SEMA5A: variants seen among roughly 807,000 people sequenced by gnomAD.
SEMA5A encodes semaphorin 5A.
SEMA5A carries 55 observed loss-of-function variants against 135.5 expected under a neutral mutation model. The ratio of observed to expected loss-of-function variants is 0.41; its 90% CI spans 0.33 to 0.51. The LOEUF (loss-of-function observed/expected upper bound fraction) is 0.51. SEMA5A is among the 20% of genes least tolerant of loss of function. The pLI is 0.37. For missense variants in SEMA5A, 1,290 were observed against 1,419.9 expected (o/e 0.91, Z 1.47); for synonymous variants, 580 against 546.5 (o/e 1.06, Z -0.85).
At chr5:9,318,649 T>TACCGTAAGTAAGTGA (rs1282471833) in intron 4 of SEMA5A, among the ~76,000 whole-genome samples, 13 of 152,308 alleles carry the variant, frequency 8.5e-5, no homozygotes, top group African/African-American at 2.6e-4. Context: ...GTGGGGTGTG[T>TACCGTAAGTAAGTGA]CTGTACATAC....
intron 1 of SEMA5A, among the ~76,000 whole-genome samples, chr5:9,491,999 A>G (rs1014501975): frequency 1.3e-5 from 2 of 152,222 alleles, no homozygotes; most frequent in Non-Finnish European, 2.9e-5. Flanking sequence ...TAGAAGACAC[A>G]CAACAGCTTT....
At chr5:9,125,674 C>T (rs1460707996) in intron 13 of SEMA5A, among the ~76,000 whole-genome samples, 7 of 152,004 alleles carry the variant, frequency 4.6e-5, no homozygotes, top group East Asian at 1.9e-4. Context: ...TCCAAGGTCT[C>T]GGTGGCCTCC....
At chr5:9,300,320 G>A (rs1285711021) in intron 5 of SEMA5A, among the ~76,000 whole-genome samples, 7 of 95,174 alleles carry the variant, frequency 7.4e-5, no homozygotes, top group South Asian at 3.9e-4. Context: ...GAGCCACTGC[G>A]CCCGGCCATT....
chr5:9,300,883 TC>T (rs1252891891), intron 5 of SEMA5A, among the ~76,000 whole-genome samples: 4 of 152,182 alleles, frequency 2.6e-5, no homozygotes, highest in Non-Finnish European at 5.9e-5. Context: ...TGAAGCTTTC[TC>T]CCCTAGAGTC....
intron 8 of SEMA5A, among the ~76,000 whole-genome samples, chr5:9,206,017 C>T (rs191397571): frequency 1.3e-5 from 2 of 152,196 alleles, no homozygotes; most frequent in African/African-American, 4.8e-5. Context: ...TAGAGTCTTG[C>T]CAGGCAGGAT....
intron 1 of SEMA5A, among the ~76,000 whole-genome samples, chr5:9,504,025 G>A (rs1288243212): frequency 1.3e-5 from 2 of 151,734 alleles, no homozygotes; most frequent in Non-Finnish European, 2.9e-5. Context: ...GACTAGCCTG[G>A]CCAACATGGT....
At chr5:9,101,109 G>A (rs1341378981) in intron 16 of SEMA5A, among the ~76,000 whole-genome samples, 8 of 152,118 alleles carry the variant, frequency 5.3e-5, no homozygotes, top group Admixed American at 1.3e-4. Flanking sequence ...AACTGTTTTC[G>A]GTTTTTAGTT....
At chr5:9,050,830 A>G (rs1736533262) in intron 20 of SEMA5A, among the ~76,000 whole-genome samples, 1 of 152,208 alleles carries the variant, frequency 6.6e-6, no homozygotes, top group African/African-American at 2.4e-5. Context: ...GACTTGTTCC[A>G]TCAAAGCCAG....
rs978693515 is a variant in SEMA5A at position 9,069,014 on chromosome 5, C to T, written c.2074-2368G>A. On this transcript the variant is annotated intron_variant, in intron 16 of 22. Coordinates refer to ENST00000382496, the MANE Select transcript of SEMA5A (RefSeq NM_003966.3). ...GTCGCCCAGCAGCTAGTTGTGATGACGTACAGGGAAGGTGGTCTACCAGGG... is the reference window on the plus strand; with the variant it reads ...GTCGCCCAGCAGCTAGTTGTGATGATGTACAGGGAAGGTGGTCTACCAGGG... 2.6e-5 allele frequency among the ~76,000 whole-genome samples: 4 copies of T among 152,164 alleles called. 1 individual carries two copies. The highest frequency in any genetic ancestry group is 1.3e-4 in the Admixed American group (2 of 15,282).
At chr5:9,283,820 A>T (rs1204291734) in intron 5 of SEMA5A, among the ~76,000 whole-genome samples, 1 of 152,186 alleles carries the variant, frequency 6.6e-6, no homozygotes, top group Non-Finnish European at 1.5e-5. Context: ...TCAGTATTAG[A>T]TACATAGAAC....
At chr5:9,086,256 G>T (rs1345423792) in intron 16 of SEMA5A, among the ~76,000 whole-genome samples, 2 of 152,124 alleles carry the variant, frequency 1.3e-5, no homozygotes, top group Non-Finnish European at 2.9e-5. Flanking sequence ...GTGAGGACAT[G>T]ACATTTGGGA....
rs1735721550 is a variant in SEMA5A at position 9,037,624 on chromosome 5, A to G, written c.*5273T>C. ...TAGAAATCATCACCAGCAGTTCAACATTACATCTTATTTACCTTTTCTATT... is the reference window on the plus strand; with the variant it reads ...TAGAAATCATCACCAGCAGTTCAACGTTACATCTTATTTACCTTTTCTATT... On this transcript the variant is annotated 3_prime_UTR_variant, in exon 23 of 23. Coordinates refer to ENST00000382496, the MANE Select transcript of SEMA5A (RefSeq NM_003966.3). 6.6e-6 allele frequency: 1 copy of G among 152,206 alleles called. No homozygotes were observed. The highest frequency in any genetic ancestry group is 1.5e-5 in the Non-Finnish European group (1 of 68,046). The allele number at this position is 152,206 out of a possible 1,614,324, so 9.4% of individuals were successfully genotyped here. A position where few individuals can be genotyped will look rare whatever the true frequency, so the allele number is the denominator to read the frequency against.
chr5:9,393,350 G>T (rs1415121229), intron 2 of SEMA5A, among the ~76,000 whole-genome samples: 1 of 152,138 alleles, frequency 6.6e-6, no homozygotes, highest in African/African-American at 2.4e-5. Flanking sequence ...TCCTTTTTCA[G>T]TCCAAAAGAG....
At chr5:9,258,553 G>A (rs903756626) in intron 5 of SEMA5A, among the ~76,000 whole-genome samples, 1 of 152,120 alleles carries the variant, frequency 6.6e-6, no homozygotes, top group African/African-American at 2.4e-5. Context: ...ATCACCCTTA[G>A]GTTATCCAGG....
At chr5:9,244,228 A>G (rs1177701458) in intron 5 of SEMA5A, among the ~76,000 whole-genome samples, 2 of 152,234 alleles carry the variant, frequency 1.3e-5, no homozygotes, top group Non-Finnish European at 2.9e-5. Flanking sequence ...TTCAGTCTGA[A>G]GACCCATCAC....
chr5:9,365,492 A>G (rs1483138447), intron 3 of SEMA5A, among the ~76,000 whole-genome samples: 2 of 152,036 alleles, frequency 1.3e-5, no homozygotes, highest in Non-Finnish European at 2.9e-5. Context: ...TTTTGCATTC[A>G]GATAGCTTTT....
At chr5:9,151,835 G>C (rs144680990) in intron 12 of SEMA5A, among the ~76,000 whole-genome samples, 1,916 of 152,308 alleles carry the variant, frequency 0.013, 30 homozygotes, top group Middle Eastern at 0.034. Context: ...GGATGATTAA[G>C]CTCCAGCTAT....
chr5:9,531,957 G>A (rs1240670825), intron 1 of SEMA5A, among the ~76,000 whole-genome samples: 1 of 152,166 alleles, frequency 6.6e-6, no homozygotes, highest in Non-Finnish European at 1.5e-5. Flanking sequence ...TCTCTATGAA[G>A]TTTAGAAAAA....
intron 11 of SEMA5A, among the ~76,000 whole-genome samples, chr5:9,183,305 G>A (rs1014912709): frequency 7.2e-5 from 11 of 152,132 alleles, no homozygotes; most frequent in African/African-American, 2.2e-4. Flanking sequence ...CACCAGTTGC[G>A]TTCTGCCCAT....
Sources: allele counts gnomAD v4.1 joint callset (sites outside exome capture counted in the v4.1 genomes callset), GRCh38; gene constraint gnomAD v4.1.1; transcripts MANE v1.5; gene names NCBI Gene and HGNC (gene_info 2026-07-23, HGNC 2026-07-21).